DLC1: variants seen among roughly 807,000 people sequenced by gnomAD.
The protein encoded by DLC1 is DLC1 Rho GTPase activating protein.
Under a neutral mutation model 140.3 loss-of-function variants are expected in DLC1, and 54 were observed. The observed-to-expected ratio is 0.38, with a 90% CI of 0.31 to 0.48. DLC1 has a LOEUF of 0.48. DLC1 is among the 20% of genes least tolerant of loss of function. The probability of loss-of-function intolerance (pLI) is 0.96; values close to 1 mark genes in which losing one functional copy is unlikely to be tolerated. For missense variants in DLC1, 2,536 were observed against 1,907.0 expected, an observed-to-expected ratio of 1.33 and a Z score of -6.14; for synonymous variants, 986 against 728.1, an observed-to-expected ratio of 1.35 and a Z score of -5.70.
chr8:13,470,348 T>C (rs968533086), intron 2 of DLC1, among the ~76,000 whole-genome samples: 2 of 152,116 alleles, frequency 1.3e-5, no homozygotes, highest in Non-Finnish European at 2.9e-5. Flanking sequence ...TATCTAAACA[T>C]ATAAGGAGTT....
intron 8 of DLC1, 96 bp from the exon 9 acceptor site, chr8:13,100,866 T>A: frequency 7.9e-7 from 1 of 1,264,862 alleles, no homozygotes; most frequent in Non-Finnish European, 1.1e-6. Flanking sequence ...GCCAGTAGTA[T>A]CAATTTCCCC....
chr8:13,569,473 A>G (rs1343874876), intron 1 of DLC1, among the ~76,000 whole-genome samples: 1 of 152,150 alleles, frequency 6.6e-6, no homozygotes, highest in Admixed American at 6.5e-5. Context: ...ATATTATGTC[A>G]TGCTTTATCT....
At chr8:13,264,871 A>G (rs943106652) in intron 5 of DLC1, among the ~76,000 whole-genome samples, 2 of 152,248 alleles carry the variant, frequency 1.3e-5, no homozygotes, top group African/African-American at 2.4e-5. Flanking sequence ...CTTAAGCCAC[A>G]TGAGACACTG....
In DLC1 at chr8:13,214,811, A is replaced by G. The variant is rs370521320; in HGVS notation, c.1348+90458T>C. Reference sequence around the variant, plus strand: ...CAGGGGAGGTAAAAAGGAGAGGAGAAAATGATTGATTTGAGTGCTGGTGGC... The same window carrying G: ...CAGGGGAGGTAAAAAGGAGAGGAGAGAATGATTGATTTGAGTGCTGGTGGC... On this transcript the variant is annotated intron_variant, in intron 5 of 17. Coordinates refer to ENST00000276297, the MANE Select transcript of DLC1 (RefSeq NM_182643.3). 1.9e-5 allele frequency: 15 copies of G among 776,908 alleles called. No individual in the cohort carries two copies. In the African/African-American group the frequency reaches 2.5e-4, roughly 13 times the overall value. The allele number at this position is 776,908 out of a possible 1,614,324, so 48.1% of individuals were successfully genotyped here.
intron 4 of DLC1, among the ~76,000 whole-genome samples, chr8:13,393,148 C>A (rs1161332308): frequency 6.6e-6 from 1 of 151,610 alleles, no homozygotes; most frequent in Admixed American, 6.6e-5. Flanking sequence ...ATCCATCCAT[C>A]CATCCATCCA....
chr8:13,302,731 C>T (rs1164847661), intron 5 of DLC1, among the ~76,000 whole-genome samples: 1 of 140,518 alleles, frequency 7.1e-6, no homozygotes, highest in African/African-American at 2.6e-5. Flanking sequence ...AAAAAAATGA[C>T]AGGCCTTAGG....
intron 1 of DLC1, among the ~76,000 whole-genome samples, chr8:13,575,386 T>C (rs1472721701): frequency 6.6e-6 from 1 of 151,638 alleles, no homozygotes; most frequent in Admixed American, 6.6e-5. Flanking sequence ...GATCTGAAAA[T>C]GGCTTGAAGG....
intron 1 of DLC1, among the ~76,000 whole-genome samples, chr8:13,541,890 A>T (rs1472097367): frequency 6.6e-6 from 1 of 152,186 alleles, no homozygotes; most frequent in African/African-American, 2.4e-5. Context: ...TGTAGTGTCA[A>T]TCAAATATTT....
intron 5 of DLC1, among the ~76,000 whole-genome samples, chr8:13,169,902 G>A (rs1404730476): frequency 1.3e-5 from 2 of 151,574 alleles, no homozygotes; most frequent in Non-Finnish European, 2.9e-5. Context: ...TGTAGTTCCA[G>A]TTAGCTACTG....
intron 5 of DLC1, among the ~76,000 whole-genome samples, chr8:13,242,942 C>T (rs977796429): frequency 6.6e-5 from 10 of 151,758 alleles, no homozygotes; most frequent in African/African-American, 2.2e-4. Flanking sequence ...AGAAGAGGGA[C>T]CTGGTGGGAT....
At chr8:13,507,361 G>A (rs1055251941) in intron 1 of DLC1, among the ~76,000 whole-genome samples, 10 of 152,210 alleles carry the variant, frequency 6.6e-5, no homozygotes, top group Admixed American at 2.6e-4. Context: ...AAAACCGTAA[G>A]AGCACATTTC....
chr8:13,567,701 C>A, intron 1 of DLC1: 1 of 1,551,974 alleles, frequency 6.4e-7, no homozygotes. Context: ...CATCTTCATA[C>A]CAAAGACTTT....
At chr8:13,383,498 G>C (rs1836367354) in intron 4 of DLC1, among the ~76,000 whole-genome samples, 1 of 152,146 alleles carries the variant, frequency 6.6e-6, no homozygotes, top group Non-Finnish European at 1.5e-5. Context: ...GCTATCTTTT[G>C]GGGGCCATTT....
chr8:13,360,837 G>GC (rs1835188846), intron 4 of DLC1, among the ~76,000 whole-genome samples: 1 of 151,584 alleles, frequency 6.6e-6, no homozygotes, highest in Admixed American at 6.6e-5. Context: ...TTCTTTCAAT[G>GC]CTAATTGTTT....
intron 4 of DLC1, among the ~76,000 whole-genome samples, chr8:13,367,329 C>T (rs1195978961): frequency 1.3e-5 from 2 of 152,132 alleles, no homozygotes; most frequent in Non-Finnish European, 2.9e-5. Flanking sequence ...AAACCTAACA[C>T]AGAGAACTGC....
intron 1 of DLC1, chr8:13,566,810 G>A: frequency 4.0e-6 from 3 of 744,538 alleles, no homozygotes; most frequent in Non-Finnish European, 6.1e-6. Flanking sequence ...CCGCATGGTG[G>A]CCAGTCACTG....
chr8:13,298,597 G>C, intron 5 of DLC1, among the ~76,000 whole-genome samples: 1 of 152,120 alleles, frequency 6.6e-6, no homozygotes, highest in East Asian at 1.9e-4. Flanking sequence ...AGCTAAGCAA[G>C]ATAATAAAAC....
intron 5 of DLC1, among the ~76,000 whole-genome samples, chr8:13,234,792 G>T (rs1264126119): frequency 6.6e-6 from 1 of 152,018 alleles, no homozygotes; most frequent in Non-Finnish European, 1.5e-5. Flanking sequence ...AGTTAAATTT[G>T]GTGGGGATTA....
chr8:13,336,820 G>A (rs892739605), intron 4 of DLC1, among the ~76,000 whole-genome samples: 8 of 151,990 alleles, frequency 5.3e-5, no homozygotes, highest in Middle Eastern at 3.4e-3. Flanking sequence ...AAATATAAAT[G>A]GATATTATTG....
Sources: gnomAD v4.1 joint callset for allele counts (sites outside exome capture counted in the v4.1 genomes callset) on GRCh38, gnomAD v4.1.1 for gene constraint, MANE v1.5 for transcripts, NCBI Gene and HGNC (gene_info 2026-07-23, HGNC 2026-07-21) for gene names.